The following AIMP2 variants were observed in gnomAD, a reference collection of about 807,000 sequenced individuals.
AIMP2 encodes the protein aminoacyl tRNA synthase complex-interacting multifunctional protein 2.
AIMP2 carries 20 observed loss-of-function variants against 23.4 expected under a neutral mutation model. The ratio of observed to expected loss-of-function variants is 0.85; its 90% confidence interval spans 0.60 to 1.24. The LOEUF (loss-of-function observed/expected upper bound fraction) is 1.24. AIMP2 is among the 50% of genes most tolerant of loss of function. The pLI is 0.00. For missense variants in AIMP2, 515 were observed against 414.5 expected (o/e 1.24, Z -2.10); for synonymous variants, 210 against 170.4 (o/e 1.23, Z -1.81).
intron 1 of AIMP2, among the ~76,000 whole-genome samples, chr7:6,010,745 G>A (rs574176127): frequency 2.6e-5 from 4 of 151,704 alleles, no homozygotes; most frequent in South Asian, 2.1e-4. Flanking sequence ...CACCGTGCCC[G>A]GCCCCTAAAC....
rs1787596232 is a variant in AIMP2, at chr7:6,023,425, A to G, written c.697A>G (p.Ile233Val). The G allele has an allele frequency of 6.2e-7, 1 of 1,614,208 alleles. No individual in the cohort carries two copies. The highest frequency in any genetic ancestry group is 8.5e-7 in the Non-Finnish European group (1 of 1,180,040). ...QKHNAVNATL[I>V]DSWVDIAIFQ... ...GCATAATGCTGTCAACGCAACCCTT[A>G]TAGATAGCTGGGTAGATATTGCGAT... The change falls in exon 4 of 4, where the codon ATA becomes GTA. Residue 233 changes from isoleucine to valine, a missense_variant. Physicochemically the swap from Ile to Val is conservative, Grantham distance 29. Coordinates refer to ENST00000223029, the MANE Select transcript of AIMP2 (RefSeq NM_006303.4).
chr7:6,023,635 A>G lies in AIMP2; in HGVS notation c.907A>G (p.Met303Val), dbSNP rs1278445417. 8.1e-6 allele frequency: 13 copies of G among 1,614,178 alleles called. 1 individual carries two copies. Among genetic ancestry groups the G allele is most frequent in the South Asian group, 1.1e-5 (1 of 91,080 alleles). The change falls in exon 4 of 4, where the codon ATG (methionine) becomes GTG (valine). Residue 303 changes from methionine to valine, a missense_variant. Physicochemically the swap from Met to Val is conservative, Grantham distance 21 (BLOSUM62 1). Transcript: ENST00000223029. ...VTVPANVQRW[M>V]RSCENLAPFN... Reference sequence around the variant, plus strand: ...AGTGCCAGCCAATGTGCAGAGGTGGATGAGGTCTTGTGAAAACCTGGCTCC... The same window carrying G: ...AGTGCCAGCCAATGTGCAGAGGTGGGTGAGGTCTTGTGAAAACCTGGCTCC...
chr7:6,017,714 G>A, intron 2 of AIMP2, 100 bp from the exon 3 acceptor site: 1 of 996,632 alleles, frequency 1.0e-6, no homozygotes. Context: ...GGAAGTGGCG[G>A]AGTCGGTTAG....
At chr7:6,017,757 G>C (rs977103359) in intron 2 of AIMP2, 57 bp from the exon 3 acceptor site, 1 of 1,496,124 alleles carries the variant, frequency 6.7e-7, no homozygotes, top group Non-Finnish European at 9.1e-7. Flanking sequence ...ACTCGCGCCC[G>C]GCACAGTGGC....
chr7:6,016,672 C>A (rs1787048690), intron 2 of AIMP2, among the ~76,000 whole-genome samples: 1 of 152,078 alleles, frequency 6.6e-6, no homozygotes, highest in African/African-American at 2.4e-5. Context: ...AATTTTGATA[C>A]CTCAGAAGAC....
chr7:6,021,470 C>T (rs541406138), intron 3 of AIMP2, among the ~76,000 whole-genome samples: 9 of 152,172 alleles, frequency 5.9e-5, no homozygotes, highest in African/African-American at 1.9e-4. Flanking sequence ...TACATTCCTC[C>T]TGGAGAAACC....
chr7:6,016,043 ACT>A (rs1299700492), intron 2 of AIMP2, among the ~76,000 whole-genome samples: 2 of 151,786 alleles, frequency 1.3e-5, no homozygotes, highest in Non-Finnish European at 2.9e-5. Context: ...GGCAGCCCGG[ACT>A]CTCTCTGATC....
intron 1 of AIMP2, among the ~76,000 whole-genome samples, chr7:6,009,972 A>ATAT (rs1294560607): frequency 4.3e-4 from 14 of 32,652 alleles, no homozygotes; most frequent in African/African-American, 1.4e-3. Flanking sequence ...AAAAAAAAAA[A>ATAT]AAATATATAT....
chr7:6,009,309 G>C lies in AIMP2; in HGVS notation c.-55G>C. On this transcript the variant is annotated 5_prime_UTR_variant, in exon 1 of 4. Transcript: ENST00000223029. The stretch of plus-strand genomic sequence containing the variant: ...GCCGGTCTCCGTCGTGACCTCTGAC[G>C]GTTTCTGAGCGTTGGCCTTTGGCAC... The C allele has an allele frequency of 1.9e-6, 3 of 1,611,140 alleles. No homozygotes were observed. Among genetic ancestry groups the C allele is most frequent in the Non-Finnish European group, 2.5e-6 (3 of 1,179,794 alleles).
At chr7:6,012,776 T>G (rs181597913) in intron 1 of AIMP2, 32 of 958,152 alleles carry the variant, frequency 3.3e-5, no homozygotes, top group Non-Finnish European at 4.2e-5. Flanking sequence ...CCTCTCGAAC[T>G]CCTGACCTCA....
chr7:6,014,715 AT>A (rs959514598), intron 1 of AIMP2, among the ~76,000 whole-genome samples: 15 of 149,024 alleles, frequency 1.0e-4, no homozygotes, highest in African/African-American at 3.2e-4. Flanking sequence ...GTCTTCTTTT[AT>A]TTTTTTTTAT....
In AIMP2 at chr7:6,009,398, GC is replaced by G; in HGVS notation, c.36del (p.Gly13AlafsTer51). The G allele has an allele frequency of 6.2e-7, 1 of 1,611,680 alleles. No homozygotes were observed. Among genetic ancestry groups the G allele is most frequent in the African/African-American group, 1.3e-5 (1 of 75,008 alleles). ...PMYQVKPYHG[G>X]GAPLRVELPT... ...TACCAGGTAAAGCCCTATCACGGGGGCGGCGCGCCTCTCCGTGTGGAGCTTC... is the reference window on the plus strand; with the variant it reads ...TACCAGGTAAAGCCCTATCACGGGGGGGCGCGCCTCTCCGTGTGGAGCTTC... On this transcript the variant is annotated frameshift_variant, in exon 1 of 4. Coordinates refer to ENST00000223029, the MANE Select transcript of AIMP2 (RefSeq NM_006303.4). LOFTEE classifies it high-confidence loss of function.
chr7:6,013,643 A>C (rs1337446464), intron 1 of AIMP2, among the ~76,000 whole-genome samples: 4 of 152,136 alleles, frequency 2.6e-5, no homozygotes, highest in Non-Finnish European at 5.9e-5. Flanking sequence ...GAGGTGGAAT[A>C]GGCTAGGTGA....
At chr7:6,018,776 G>A (rs1044537792) in intron 3 of AIMP2, among the ~76,000 whole-genome samples, 1 of 151,992 alleles carries the variant, frequency 6.6e-6, no homozygotes, top group East Asian at 2.0e-4. Context: ...GGAGGTTGCA[G>A]TGAGCCAAGA....
intron 3 of AIMP2, among the ~76,000 whole-genome samples, chr7:6,018,676 A>C (rs1358292452): frequency 6.6e-6 from 1 of 151,702 alleles, no homozygotes; most frequent in Non-Finnish European, 1.5e-5. Context: ...TCTACTAAAA[A>C]TACAAAACTT....
chr7:6,015,579 C>T (rs886915573), intron 2 of AIMP2, among the ~76,000 whole-genome samples: 1 of 152,118 alleles, frequency 6.6e-6, no homozygotes, highest in Non-Finnish European at 1.5e-5. Context: ...AAAAAATTCG[C>T]CGGGCGTGGT....
chr7:6,011,796 A>G (rs1583447076), intron 1 of AIMP2, among the ~76,000 whole-genome samples: 1 of 152,168 alleles, frequency 6.6e-6, no homozygotes, highest in African/African-American at 2.4e-5. Context: ...AGGTTGGAGA[A>G]TGTCACCTTT....
At chr7:6,016,988 G>A (rs1860459) in intron 2 of AIMP2, 15,026 of 154,474 alleles carry the variant, frequency 0.097, 787 homozygotes, top group Admixed American at 0.12. Context: ...GTGGGCCACT[G>A]GCACTGAAGA....
At chr7:6,015,734 C>G (rs956761502) in intron 2 of AIMP2, among the ~76,000 whole-genome samples, 1 of 152,212 alleles carries the variant, frequency 6.6e-6, no homozygotes, top group African/African-American at 2.4e-5. Flanking sequence ...AAAACAAAAA[C>G]AAAACTAGCT....
Sources: gnomAD v4.1 joint callset for allele counts (sites outside exome capture counted in the v4.1 genomes callset) on GRCh38, gnomAD v4.1.1 for gene constraint, MANE v1.5 for transcripts, NCBI Gene and HGNC (gene_info 2026-07-23, HGNC 2026-07-21) for gene names.